The following GRIA1 variants were observed in gnomAD, a reference collection of about 807,000 sequenced individuals.
GRIA1 encodes glutamate receptor 1.
Under a neutral mutation model 99.2 loss-of-function variants are expected in GRIA1, and 31 were observed. The observed-to-expected ratio is 0.31, with a 90% CI of 0.23 to 0.42. GRIA1 has a LOEUF of 0.42. GRIA1 is among the 10% of genes least tolerant of loss of function. The probability of loss-of-function intolerance (pLI) is 1.00; values close to 1 mark genes in which losing one functional copy is unlikely to be tolerated. For missense variants in GRIA1, 782 were observed against 1,157.5 expected (o/e 0.68, Z 4.71); for synonymous variants, 438 against 432.4 (o/e 1.01, Z -0.16).
At chr5:153,726,470 T>C (rs1430216164) in intron 11 of GRIA1, among the ~76,000 whole-genome samples, 1 of 148,610 alleles carries the variant, frequency 6.7e-6, no homozygotes, top group Non-Finnish European at 1.5e-5. Flanking sequence ...TTTGAAAGGA[T>C]CAACAAAATT....
intron 11 of GRIA1, among the ~76,000 whole-genome samples, chr5:153,741,933 TTAAAAAA>T (rs2070901283): frequency 9.9e-6 from 1 of 100,670 alleles, no homozygotes; most frequent in South Asian, 4.5e-4. Flanking sequence ...AAAGCTTTTT[TTAAAAAA>T]AAAAAAAAAA....
At chr5:153,694,953 G>A (rs950959073) in intron 8 of GRIA1, among the ~76,000 whole-genome samples, 7 of 151,674 alleles carry the variant, frequency 4.6e-5, no homozygotes, top group Non-Finnish European at 8.8e-5. Context: ...TGGATGACAG[G>A]GAAGAAAATG....
intron 2 of GRIA1, among the ~76,000 whole-genome samples, chr5:153,552,722 C>T (rs1157542520): frequency 6.6e-6 from 1 of 152,040 alleles, no homozygotes; most frequent in East Asian, 1.9e-4. Context: ...TGTTAAAATG[C>T]AGATTCTGTG....
At chr5:153,603,726 A>G (rs1765208225) in intron 2 of GRIA1, among the ~76,000 whole-genome samples, 1 of 152,176 alleles carries the variant, frequency 6.6e-6, no homozygotes, top group African/African-American at 2.4e-5. Context: ...TTAGTAAAGG[A>G]CAGGCTGAGT....
chr5:153,551,920 C>G (rs1053927944), intron 2 of GRIA1, among the ~76,000 whole-genome samples: 5 of 152,024 alleles, frequency 3.3e-5, no homozygotes, highest in Admixed American at 1.3e-4. Flanking sequence ...CTATAGTCAC[C>G]CTAATTCCTT....
At chr5:153,555,751 A>G (rs1760579092) in intron 2 of GRIA1, among the ~76,000 whole-genome samples, 1 of 152,196 alleles carries the variant, frequency 6.6e-6, no homozygotes. Flanking sequence ...AGTCTGACAG[A>G]CTGCTAAAGG....
chr5:153,717,704 A>G (rs553356717), intron 11 of GRIA1, among the ~76,000 whole-genome samples: 2 of 152,320 alleles, frequency 1.3e-5, no homozygotes, highest in South Asian at 2.1e-4. Flanking sequence ...TCTAGGAAGT[A>G]GCTCTCAACT....
At chr5:153,508,971 G>A (rs979865072) in intron 2 of GRIA1, among the ~76,000 whole-genome samples, 4 of 152,254 alleles carry the variant, frequency 2.6e-5, no homozygotes, top group Non-Finnish European at 2.9e-5. Context: ...TTTTCCAGGA[G>A]CACAAGAGGC....
chr5:153,803,870 G>C (rs1029766232), intron 15 of GRIA1, among the ~76,000 whole-genome samples: 3 of 151,964 alleles, frequency 2.0e-5, no homozygotes, highest in African/African-American at 7.3e-5. Flanking sequence ...CTCCGGGGTC[G>C]CCCTTGGAGA....
intron 11 of GRIA1, among the ~76,000 whole-genome samples, chr5:153,742,785 G>A (rs1349560983): frequency 6.6e-6 from 1 of 152,188 alleles, no homozygotes; most frequent in Non-Finnish European, 1.5e-5. Context: ...TACTCCTTGA[G>A]CAACTCTTCT....
intron 2 of GRIA1, chr5:153,574,391 G>A (rs1462262892): frequency 6.6e-6 from 1 of 152,044 alleles, no homozygotes; most frequent in African/African-American, 2.4e-5. Flanking sequence ...TGGAGATATA[G>A]GTAAGGGTTT....
intron 11 of GRIA1, among the ~76,000 whole-genome samples, chr5:153,707,578 T>G (rs1231143436): frequency 6.6e-6 from 1 of 152,176 alleles, no homozygotes; most frequent in Non-Finnish European, 1.5e-5. Flanking sequence ...GAATTTGGCC[T>G]CCATGGACAG....
At chr5:153,623,867 C>G (rs912151657) in intron 2 of GRIA1, among the ~76,000 whole-genome samples, 1 of 152,126 alleles carries the variant, frequency 6.6e-6, no homozygotes, top group African/African-American at 2.4e-5. Context: ...TGCCAGTTTG[C>G]TTCAATATGT....
At chr5:153,736,768 C>T (rs909723852) in intron 11 of GRIA1, among the ~76,000 whole-genome samples, 4 of 152,124 alleles carry the variant, frequency 2.6e-5, no homozygotes, top group African/African-American at 9.7e-5. Context: ...ACTTTTACAC[C>T]TCTGAATGAG....
At chr5:153,769,529 G>C (rs1763738409) in intron 12 of GRIA1, among the ~76,000 whole-genome samples, 1 of 152,062 alleles carries the variant, frequency 6.6e-6, no homozygotes, top group Admixed American at 6.5e-5. Context: ...GTGAGTTTAG[G>C]GGGAAATACG....
Position 153,686,299 on chromosome 5 carries a change from G to T in GRIA1, c.1104G>T (p.Val368=). 1 of 1,613,890 alleles carries T rather than the reference G, an allele frequency of 6.2e-7. No individual in the cohort carries two copies. The stretch of plus-strand genomic sequence containing the variant: ...GCCGGACCAACTACACGCTCCACGT[G>T]ATTGAAATGAAACATGACGGCATCC... ...KGRRTNYTLH[V]IEMKHDGIRK... is the part of the protein sequence containing the mutation. Residue 368 remains valine, a synonymous_variant, in exon 8 of 16, where the codon GTG becomes GTT. Transcript: ENST00000285900.
At chr5:153,771,797 G>A (rs979351268) in intron 13 of GRIA1, among the ~76,000 whole-genome samples, 3 of 151,992 alleles carry the variant, frequency 2.0e-5, no homozygotes, top group Non-Finnish European at 2.9e-5. Context: ...CTGGGACTAC[G>A]CTAAGCAAGG....
At chr5:153,779,743 G>A (rs576477119) in intron 13 of GRIA1, among the ~76,000 whole-genome samples, 18 of 152,152 alleles carry the variant, frequency 1.2e-4, no homozygotes, top group Middle Eastern at 3.4e-3. Context: ...TGCATTTTTA[G>A]TAAAGACGGG....
chr5:153,630,532 A>G (rs1752869768), intron 2 of GRIA1, among the ~76,000 whole-genome samples: 1 of 152,160 alleles, frequency 6.6e-6, no homozygotes, highest in Non-Finnish European at 1.5e-5. Flanking sequence ...AGGCCACCCC[A>G]AAACAATAGG....
Sources: allele counts gnomAD v4.1 joint callset (sites outside exome capture counted in the v4.1 genomes callset), GRCh38; gene constraint gnomAD v4.1.1; transcripts MANE v1.5; gene names NCBI Gene and HGNC (gene_info 2026-07-23, HGNC 2026-07-21).